Variants in FRAS1 observed in about 807,000 individuals in gnomAD.
FRAS1 encodes the protein extracellular matrix organizing protein FRAS1.
FRAS1 carries 290 observed loss-of-function variants against 435.2 expected under a neutral mutation model. The ratio of observed to expected loss-of-function variants is 0.67; its 90% CI spans 0.61 to 0.73. FRAS1 has a LOEUF of 0.73. Among genes scored for constraint, FRAS1 ranks in the 30% least tolerant of loss-of-function variants. The pLI is 0.00. For synonymous variants in FRAS1, 1,800 were observed against 1,851.0 expected (o/e 0.97, Z 0.71); for missense variants, 4,860 against 5,001.5 (o/e 0.97, Z 0.85).
chr4:78,166,211 CATAAA>C (rs1721325656), intron 2 of FRAS1, among the ~76,000 whole-genome samples: 2 of 152,008 alleles, frequency 1.3e-5, no homozygotes, highest in Non-Finnish European at 2.9e-5. Flanking sequence ...TTGAGAGAAA[CATAAA>C]ATAAAGACAC....
intron 23 of FRAS1, among the ~76,000 whole-genome samples, chr4:78,370,747 C>T (rs559495828): frequency 6.6e-6 from 1 of 152,286 alleles, no homozygotes; most frequent in Admixed American, 6.5e-5. Context: ...GAGATAATGT[C>T]AAATGCCAAG....
chr4:78,176,007 T>G (rs893230078), intron 2 of FRAS1, among the ~76,000 whole-genome samples: 1 of 152,204 alleles, frequency 6.6e-6, no homozygotes, highest in African/African-American at 2.4e-5. Flanking sequence ...GATTAAGATC[T>G]CAGTTGCTCA....
At chr4:78,272,768 T>C (rs1726776753) in intron 9 of FRAS1, among the ~76,000 whole-genome samples, 1 of 152,224 alleles carries the variant, frequency 6.6e-6, no homozygotes, top group Admixed American at 6.5e-5. Flanking sequence ...TTTGTTCTTT[T>C]GACTTAGGAT....
chr4:78,540,966 C>A lies in FRAS1; in HGVS notation c.11881C>A (p.Arg3961=), dbSNP rs200693022. Residue 3961 remains arginine, a synonymous_variant, in exon 74 of 74, where the codon CGG becomes AGG. Coordinates refer to ENST00000512123, the MANE Select transcript of FRAS1 (RefSeq NM_025074.7). ...KVEVPKRHPD[R]VEKNVNRHYC... is the part of the protein sequence containing the mutation. ...AGAAGTGCCCAAGAGGCACCCGGAC[C>A]GGGTGGAGAAGAACGTGAATAGACA... 4 of 1,613,442 alleles carry A rather than the reference C, an allele frequency of 2.5e-6. No individual in the cohort carries two copies. The Admixed American group carries it at 5.0e-5, about 20-fold the overall frequency.
In FRAS1 at chr4:78,479,604, T is replaced by C. The variant is rs773401610; in HGVS notation, c.8329T>C (p.Ser2777Pro). 3.1e-6 allele frequency: 5 copies of C among 1,613,950 alleles called. No individual in the cohort carries two copies. The highest frequency in any genetic ancestry group is 4.2e-6 in the Non-Finnish European group (5 of 1,179,824). Residue 2777 changes from serine to proline, a missense_variant, in exon 56 of 74, where the codon TCT becomes CCT. Coordinates refer to ENST00000512123, the MANE Select transcript of FRAS1 (RefSeq NM_025074.7). Reference sequence around the variant, plus strand: ...GTTTGAGATTGCCTTGGCAGATGCCTCTGACAATGCCCGCATTGGAAGGGT... The same window carrying C: ...GTTTGAGATTGCCTTGGCAGATGCCCCTGACAATGCCCGCATTGGAAGGGT... Reference protein sequence around the residue: ...EEFEIALADASDNARIGRVAT... With the variant: ...EEFEIALADAPDNARIGRVAT...
intron 3 of FRAS1, among the ~76,000 whole-genome samples, chr4:78,243,104 T>A (rs967120150): frequency 2.6e-5 from 4 of 152,154 alleles, no homozygotes; most frequent in African/African-American, 9.7e-5. Context: ...AGCACGGCAT[T>A]ACGTGGTAAG....
intron 2 of FRAS1, among the ~76,000 whole-genome samples, chr4:78,147,102 C>T: frequency 6.6e-6 from 1 of 152,060 alleles, no homozygotes; most frequent in East Asian, 1.9e-4. Flanking sequence ...ACAGCTGTTG[C>T]CCTGTCTTAT....
intron 15 of FRAS1, among the ~76,000 whole-genome samples, chr4:78,310,878 T>C (rs345526): frequency 0.75 from 114,605 of 152,190 alleles, 43,715 homozygotes; most frequent in African/African-American, 0.86. Flanking sequence ...CCTACCAGCC[T>C]GTATCTGTAG....
intron 56 of FRAS1, 102 bp downstream of exon 56, chr4:78,479,820 C>A: frequency 1.1e-6 from 1 of 905,384 alleles, no homozygotes; most frequent in Non-Finnish European, 1.6e-6. Flanking sequence ...ATTGAGAATG[C>A]CATTCCTCAG....
In FRAS1 at chr4:78,421,978, G is replaced by A. The variant is rs184915830; in HGVS notation, c.4656G>A (p.Glu1552=). Residue 1552 remains glutamate, a synonymous_variant, in exon 34 of 74, where the codon GAG becomes GAA. Transcript: ENST00000512123. ...RPPPAAPHLQ[E]LMAFSFAGLP... ...CCCCGGCAGCACCCCACCTCCAGGA[G>A]CTCATGGCCTTCTCGTTCGCTGGTA... The A allele has an allele frequency of 2.2e-4, 347 of 1,612,626 alleles. No individual in the cohort carries two copies. The African/African-American group carries it at 4.2e-3, about 19-fold the overall frequency.
intron 17 of FRAS1, among the ~76,000 whole-genome samples, 159 bp from the exon 18 acceptor site, chr4:78,318,651 A>T (rs900857008): frequency 6.6e-6 from 1 of 152,200 alleles, no homozygotes; most frequent in African/African-American, 2.4e-5. Context: ...TCCTTTCACA[A>T]ACATTATTAT....
chr4:78,068,063 T>A (rs918133600), intron 2 of FRAS1, among the ~76,000 whole-genome samples: 1 of 152,076 alleles, frequency 6.6e-6, no homozygotes, highest in Non-Finnish European at 1.5e-5. Context: ...ATATATTTAT[T>A]ACAATAATAA....
intron 50 of FRAS1, among the ~76,000 whole-genome samples, chr4:78,467,178 A>T (rs1039036806): frequency 6.6e-6 from 1 of 152,154 alleles, no homozygotes; most frequent in South Asian, 2.1e-4. Context: ...TGCCTTATTC[A>T]TTCATTCTAA....
At chr4:78,395,797 T>A (rs1169682955) in intron 29 of FRAS1, among the ~76,000 whole-genome samples, 3 of 152,122 alleles carry the variant, frequency 2.0e-5, no homozygotes, top group Non-Finnish European at 2.9e-5. Flanking sequence ...GGATCATACT[T>A]TCTGTCCATT....
intron 14 of FRAS1, among the ~76,000 whole-genome samples, chr4:78,290,171 C>A (rs201375282): frequency 1.3e-5 from 2 of 151,900 alleles, no homozygotes; most frequent in Admixed American, 6.6e-5. Flanking sequence ...GTAATTTTAA[C>A]GTAAGGTTAA....
chr4:78,405,332 C>A (rs1258791127), intron 30 of FRAS1, among the ~76,000 whole-genome samples: 1 of 152,052 alleles, frequency 6.6e-6, no homozygotes, highest in Non-Finnish European at 1.5e-5. Flanking sequence ...ATAAATAGTC[C>A]ACATCCTAGA....
chr4:78,271,574 T>C (rs1001308444), intron 9 of FRAS1, among the ~76,000 whole-genome samples: 1 of 152,228 alleles, frequency 6.6e-6, no homozygotes, highest in Non-Finnish European at 1.5e-5. Flanking sequence ...GTTTATTTTT[T>C]TGTCCTTGTG....
chr4:78,194,076 C>A (rs1321468039), intron 2 of FRAS1, among the ~76,000 whole-genome samples: 2 of 152,158 alleles, frequency 1.3e-5, no homozygotes, highest in African/African-American at 4.8e-5. Flanking sequence ...AAATTCTTTT[C>A]TTTAAGAATG....
intron 63 of FRAS1, among the ~76,000 whole-genome samples, chr4:78,509,595 T>C (rs752910395): frequency 2.6e-5 from 4 of 152,200 alleles, no homozygotes; most frequent in Non-Finnish European, 5.9e-5. Flanking sequence ...CAAAGCTCTA[T>C]GGGAGGCCAT....
Sources: allele counts gnomAD v4.1 joint callset (sites outside exome capture counted in the v4.1 genomes callset), GRCh38; gene constraint gnomAD v4.1.1; transcripts MANE v1.5; gene names NCBI Gene and HGNC (gene_info 2026-07-23, HGNC 2026-07-21).